TLL1: variants seen among roughly 807,000 people sequenced by gnomAD.
TLL1 encodes tolloid like 1.
TLL1 carries 49 observed loss-of-function variants against 128.2 expected under a neutral mutation model. The observed-to-expected ratio is 0.38, with a 90% CI of 0.30 to 0.48. The LOEUF (loss-of-function observed/expected upper bound fraction) is 0.48. Among genes scored for constraint, TLL1 ranks in the 20% least tolerant of loss-of-function variants. The probability of loss-of-function intolerance (pLI) is 0.96; values close to 1 mark genes in which losing one functional copy is unlikely to be tolerated. For missense variants in TLL1, 1,123 were observed against 1,242.0 expected, an observed-to-expected ratio of 0.90 and a Z score of 1.44; for synonymous variants, 454 against 418.8, an observed-to-expected ratio of 1.08 and a Z score of -1.03.
intron 1 of TLL1, among the ~76,000 whole-genome samples, chr4:165,877,243 A>G (rs1176949503): frequency 6.6e-6 from 1 of 152,278 alleles, no homozygotes; most frequent in African/African-American, 2.4e-5. Context: ...TTTATTCAGA[A>G]AGACATTATA....
chr4:165,931,553 T>TA (rs1363164083), intron 1 of TLL1, among the ~76,000 whole-genome samples: 3 of 151,466 alleles, frequency 2.0e-5, no homozygotes, highest in African/African-American at 4.9e-5. Context: ...CCGTCTCTAC[T>TA]AAAAATACAA....
chr4:166,074,649 T>A (rs997724305), intron 16 of TLL1, among the ~76,000 whole-genome samples: 7 of 152,150 alleles, frequency 4.6e-5, no homozygotes, highest in Non-Finnish European at 1.0e-4. Flanking sequence ...CAAGTTATTA[T>A]CGTAGCGCTA....
At chr4:165,902,065 A>G (rs965048135) in intron 1 of TLL1, among the ~76,000 whole-genome samples, 2 of 152,048 alleles carry the variant, frequency 1.3e-5, no homozygotes, top group Non-Finnish European at 2.9e-5. Flanking sequence ...CCGACTACTT[A>G]AGCTCAGTAA....
intron 1 of TLL1, among the ~76,000 whole-genome samples, chr4:165,979,278 A>C (rs1193367818): frequency 6.6e-6 from 1 of 152,156 alleles, no homozygotes; most frequent in African/African-American, 2.4e-5. Flanking sequence ...ATGTAAATTT[A>C]TATTAATAGA....
chr4:165,918,583 C>G (rs1732887355), intron 1 of TLL1, among the ~76,000 whole-genome samples: 1 of 151,780 alleles, frequency 6.6e-6, no homozygotes, highest in African/African-American at 2.4e-5. Flanking sequence ...TTCTTTTCCA[C>G]TGTTTCAAGA....
intron 1 of TLL1, among the ~76,000 whole-genome samples, chr4:165,874,416 G>A (rs1730631918): frequency 6.6e-6 from 1 of 152,168 alleles, no homozygotes; most frequent in Non-Finnish European, 1.5e-5. Flanking sequence ...CCAACACTCA[G>A]CGGGCTTTAT....
chr4:165,970,387 G>A (rs1400229353), intron 1 of TLL1, among the ~76,000 whole-genome samples: 1 of 152,102 alleles, frequency 6.6e-6, no homozygotes, highest in Non-Finnish European at 1.5e-5. Context: ...CCACAACAGA[G>A]TGTTTAACTG....
intron 15 of TLL1, among the ~76,000 whole-genome samples, chr4:166,060,728 A>G (rs1740272141): frequency 6.6e-6 from 1 of 152,236 alleles, no homozygotes; most frequent in Non-Finnish European, 1.5e-5. Context: ...TACTAAAGGT[A>G]CAGTTTCTGT....
intron 1 of TLL1, among the ~76,000 whole-genome samples, chr4:165,912,255 T>C (rs1732568967): frequency 6.6e-6 from 1 of 152,200 alleles, no homozygotes; most frequent in Admixed American, 6.5e-5. Context: ...CCTAGTTTCC[T>C]GACTGCGTTC....
intron 13 of TLL1, 115 bp downstream of exon 13, chr4:166,055,386 A>G: frequency 2.2e-6 from 2 of 919,798 alleles, no homozygotes; most frequent in Middle Eastern, 5.9e-4. Flanking sequence ...AATATGAATA[A>G]GGATATTTTG....
chr4:165,891,607 A>C (rs1731406437), intron 1 of TLL1, among the ~76,000 whole-genome samples: 1 of 152,142 alleles, frequency 6.6e-6, no homozygotes, highest in South Asian at 2.1e-4. Context: ...TAGCATAGCA[A>C]CAATCACCTT....
At position 165,985,417 on chromosome 4, in the gene TLL1, G is replaced by A. The variant is rs572222975; in HGVS notation, c.170-3964G>A. Among the ~76,000 whole-genome samples the A allele has an allele frequency of 1.5e-4, 23 of 152,122 alleles. No individual in the cohort carries two copies. In the South Asian group the frequency reaches 4.8e-3, roughly 31 times the overall value. On this transcript the variant is annotated intron_variant, in intron 1 of 20. Coordinates refer to ENST00000061240, the MANE Select transcript of TLL1 (RefSeq NM_012464.5). ...TTGGTTTCCAAGTATTTTCTCCTGA[G>A]TGGACAGAAAGACTTCACCCTTGGC...
In TLL1 at chr4:165,874,800, C is replaced by T. The variant is rs370018646; in HGVS notation, c.169+727C>T. 1.1e-4 allele frequency among the ~76,000 whole-genome samples: 17 copies of T among 152,372 alleles called. 1 individual carries two copies. Among genetic ancestry groups the T allele is most frequent in the Admixed American group, 5.2e-4 (8 of 15,310 alleles). On this transcript the variant is annotated intron_variant, in intron 1 of 20. Coordinates refer to ENST00000061240, the MANE Select transcript of TLL1 (RefSeq NM_012464.5). ...GCTCAGCTTCTTGCCTCGCAGGGTCCCTGAATGTCCCAGGTCCTTCCCCTC... is the reference window on the plus strand; with the variant it reads ...GCTCAGCTTCTTGCCTCGCAGGGTCTCTGAATGTCCCAGGTCCTTCCCCTC...
At chr4:165,972,231 T>G (rs2110979674) in intron 1 of TLL1, among the ~76,000 whole-genome samples, 1 of 152,314 alleles carries the variant, frequency 6.6e-6, no homozygotes, top group South Asian at 2.1e-4. Flanking sequence ...CAATCTATTA[T>G]TTCCAGAAAA....
chr4:166,043,929 G>C (rs1739349654), intron 12 of TLL1, among the ~76,000 whole-genome samples: 1 of 151,854 alleles, frequency 6.6e-6, no homozygotes, highest in African/African-American at 2.4e-5. Context: ...CAGCAGCATC[G>C]TTGTGTTATT....
At chr4:165,956,649 AAC>A (rs1391187734) in intron 1 of TLL1, among the ~76,000 whole-genome samples, 1 of 148,822 alleles carries the variant, frequency 6.7e-6, no homozygotes, top group Non-Finnish European at 1.5e-5. Context: ...ATATTGTTCA[AAC>A]ACACGTTTTA....
At chr4:166,035,737 T>C (rs925366479) in intron 9 of TLL1, among the ~76,000 whole-genome samples, 1 of 152,126 alleles carries the variant, frequency 6.6e-6, no homozygotes, top group African/African-American at 2.4e-5. Flanking sequence ...AGTAAATATA[T>C]TGGTTTTTGC....
At chr4:165,985,954 G>A (rs1171314178) in intron 1 of TLL1, among the ~76,000 whole-genome samples, 6 of 151,806 alleles carry the variant, frequency 4.0e-5, no homozygotes, top group African/African-American at 1.5e-4. Flanking sequence ...ATTCCAAACA[G>A]ATAGTAAATA....
chr4:165,987,407 T>C (rs1470039625), intron 1 of TLL1, among the ~76,000 whole-genome samples: 4 of 152,160 alleles, frequency 2.6e-5, no homozygotes, highest in African/African-American at 9.6e-5. Context: ...GGAGCATTAG[T>C]GTTTTCTGCT....
Sources: gnomAD v4.1 joint callset for allele counts (sites outside exome capture counted in the v4.1 genomes callset) on GRCh38, gnomAD v4.1.1 for gene constraint, MANE v1.5 for transcripts, NCBI Gene and HGNC (gene_info 2026-07-23, HGNC 2026-07-21) for gene names.